Variants in ASTN2 observed in about 807,000 individuals in gnomAD.
The protein encoded by ASTN2 is astrotactin-2.
In ASTN2, 54 loss-of-function variants were observed where a neutral mutation model predicts 139.8. The observed-to-expected ratio is 0.39, with a 90% CI of 0.31 to 0.48. The LOEUF (loss-of-function observed/expected upper bound fraction) is 0.48, where lower values mean the gene tolerates loss of function less well. Among genes scored for constraint, ASTN2 ranks in the 20% least tolerant of loss-of-function variants. ASTN2 has a pLI of 0.95. For missense variants in ASTN2, 1,565 were observed against 1,725.1 expected (o/e 0.91, Z 1.64); for synonymous variants, 756 against 719.5 (o/e 1.05, Z -0.81).
At chr9:116,430,220 G>C (rs912403517) in intron 22 of ASTN2, among the ~76,000 whole-genome samples, 1 of 152,134 alleles carries the variant, frequency 6.6e-6, no homozygotes, top group Non-Finnish European at 1.5e-5. Context: ...CAAAGGAACA[G>C]ACAAAGCCTC....
intron 10 of ASTN2, among the ~76,000 whole-genome samples, chr9:116,942,081 C>A (rs1215573881): frequency 1.5e-5 from 2 of 135,732 alleles, no homozygotes; most frequent in Non-Finnish European, 3.1e-5. Flanking sequence ...AGTGCACGTA[C>A]GCACGCACGC....
intron 16 of ASTN2, among the ~76,000 whole-genome samples, chr9:116,678,664 T>C (rs1399057088): frequency 6.6e-6 from 1 of 152,168 alleles, no homozygotes; most frequent in Non-Finnish European, 1.5e-5. Context: ...TCTGTGGGTA[T>C]AAACAAGATG....
intron 1 of ASTN2, among the ~76,000 whole-genome samples, chr9:117,337,031 G>A (rs974069610): frequency 1.2e-4 from 19 of 152,090 alleles, no homozygotes; most frequent in Non-Finnish European, 2.6e-4. Context: ...CTGGAAAGAG[G>A]AGCAATATAA....
chr9:116,885,856 A>G (rs1453283573), intron 10 of ASTN2, among the ~76,000 whole-genome samples: 1 of 150,982 alleles, frequency 6.6e-6, no homozygotes, highest in Non-Finnish European at 1.5e-5. Flanking sequence ...ATTTCAAAGC[A>G]TGTCCATCCA....
intron 1 of ASTN2, among the ~76,000 whole-genome samples, chr9:117,356,512 G>C (rs1829542938): frequency 6.6e-6 from 1 of 152,206 alleles, no homozygotes. Flanking sequence ...CAAGAGCAGT[G>C]CAGGAACATA....
At chr9:116,815,487 G>A (rs1831286785) in intron 12 of ASTN2, among the ~76,000 whole-genome samples, 1 of 151,970 alleles carries the variant, frequency 6.6e-6, no homozygotes, top group Admixed American at 6.6e-5. Context: ...TCCTCTAAAT[G>A]ATCTGAAAAA....
intron 13 of ASTN2, among the ~76,000 whole-genome samples, chr9:116,776,859 T>C (rs1830098624): frequency 6.6e-6 from 1 of 152,046 alleles, no homozygotes; most frequent in Non-Finnish European, 1.5e-5. Context: ...TCTGTAAGCA[T>C]TGGAAAAATA....
At chr9:116,997,091 T>C (rs1285097301) in intron 7 of ASTN2, among the ~76,000 whole-genome samples, 1 of 152,190 alleles carries the variant, frequency 6.6e-6, no homozygotes, top group Non-Finnish European at 1.5e-5. Flanking sequence ...TCTGACAACC[T>C]TTTTTCTTTC....
chr9:116,879,137 C>G (rs1833382977), intron 10 of ASTN2, among the ~76,000 whole-genome samples: 1 of 152,106 alleles, frequency 6.6e-6, no homozygotes, highest in Non-Finnish European at 1.5e-5. Context: ...CCAGCTCAGC[C>G]TCCCTCTGCT....
At chr9:116,574,523 A>G (rs889263310) in intron 19 of ASTN2, among the ~76,000 whole-genome samples, 1 of 152,216 alleles carries the variant, frequency 6.6e-6, no homozygotes, top group African/African-American at 2.4e-5. Context: ...AGCTGCCTGC[A>G]TTTGAGATAA....
At chr9:116,810,096 C>G (rs1033577566) in intron 12 of ASTN2, among the ~76,000 whole-genome samples, 4 of 152,156 alleles carry the variant, frequency 2.6e-5, no homozygotes, top group African/African-American at 9.7e-5. Context: ...CTTTTGTGCA[C>G]AAGCTTCTGG....
intron 5 of ASTN2, among the ~76,000 whole-genome samples, chr9:117,094,015 G>A (rs2132749965): frequency 6.6e-6 from 1 of 151,882 alleles, no homozygotes; most frequent in Middle Eastern, 3.4e-3. Context: ...TTAAATTGTT[G>A]TTTGGTTTGT....
chr9:117,124,405 C>G (rs553437212), intron 4 of ASTN2, among the ~76,000 whole-genome samples: 1 of 151,994 alleles, frequency 6.6e-6, no homozygotes, highest in Admixed American at 6.6e-5. Flanking sequence ...AGATATGATT[C>G]CTTCTATCAT....
At chr9:116,606,143 G>A (rs1855185923) in intron 19 of ASTN2, among the ~76,000 whole-genome samples, 1 of 152,130 alleles carries the variant, frequency 6.6e-6, no homozygotes, top group Admixed American at 6.6e-5. Flanking sequence ...TAATACTGAT[G>A]ACAGATTAGC....
At chr9:116,515,198 A>G (rs1850592156) in intron 19 of ASTN2, among the ~76,000 whole-genome samples, 1 of 152,180 alleles carries the variant, frequency 6.6e-6, no homozygotes, top group African/African-American at 2.4e-5. Flanking sequence ...TTGGATATTA[A>G]TATGAATCCT....
chr9:116,733,820 T>G (rs531610926), intron 13 of ASTN2, among the ~76,000 whole-genome samples: 1 of 152,324 alleles, frequency 6.6e-6, no homozygotes, highest in Non-Finnish European at 1.5e-5. Flanking sequence ...GACTCAGATC[T>G]AAGGGCTGTT....
At chr9:117,293,888 C>T (rs186338573) in intron 1 of ASTN2, among the ~76,000 whole-genome samples, 1 of 152,356 alleles carries the variant, frequency 6.6e-6, no homozygotes, top group Non-Finnish European at 1.5e-5. Context: ...GTGCTGCTGG[C>T]TAGGCAGGCA....
At chr9:116,902,167 A>G (rs887214734) in intron 10 of ASTN2, among the ~76,000 whole-genome samples, 4 of 152,370 alleles carry the variant, frequency 2.6e-5, no homozygotes, top group African/African-American at 9.6e-5. Context: ...TGACAGCTCC[A>G]TATGTGTTAC....
chr9:116,866,892 CAAAAA>C (rs57448374), intron 10 of ASTN2, among the ~76,000 whole-genome samples: 3 of 90,664 alleles, frequency 3.3e-5, no homozygotes, highest in Admixed American at 1.2e-4. Context: ...GACTCCGTCT[CAAAAA>C]AAAAAAAAAA....
Sources: gnomAD v4.1 joint callset for allele counts (sites outside exome capture counted in the v4.1 genomes callset) on GRCh38, gnomAD v4.1.1 for gene constraint, MANE v1.5 for transcripts, NCBI Gene and HGNC (gene_info 2026-07-23, HGNC 2026-07-21) for gene names.